The following AGBL1 variants were observed in gnomAD, a reference collection of about 807,000 sequenced individuals.
AGBL1 encodes the protein AGBL carboxypeptidase 1.
In AGBL1, 130 loss-of-function variants were observed where a neutral mutation model predicts 118.9. The observed-to-expected ratio is 1.09, with a 90% CI of 0.95 to 1.26. AGBL1 has a LOEUF of 1.26. AGBL1 is among the 50% of genes most tolerant of loss of function. The pLI is 0.00. For missense variants in AGBL1, 1,584 were observed against 1,298.1 expected, an observed-to-expected ratio of 1.22 and a Z score of -3.38; for synonymous variants, 555 against 478.9, an observed-to-expected ratio of 1.16 and a Z score of -2.08.
intron 24 of AGBL1, among the ~76,000 whole-genome samples, chr15:87,014,216 T>C (rs1298721678): frequency 6.6e-6 from 1 of 152,170 alleles, no homozygotes; most frequent in South Asian, 2.1e-4. Context: ...GATAGTTTCT[T>C]CATCATCACA....
intron 22 of AGBL1, among the ~76,000 whole-genome samples, chr15:86,727,871 G>A (rs1329361051): frequency 6.6e-6 from 1 of 152,170 alleles, no homozygotes; most frequent in Non-Finnish European, 1.5e-5. Context: ...CTTATCCAGT[G>A]AATTTACTCG....
At chr15:86,134,653 G>A (rs564542998) in intron 1 of AGBL1, among the ~76,000 whole-genome samples, 11 of 130,152 alleles carry the variant, frequency 8.5e-5, no homozygotes, top group Non-Finnish European at 1.1e-4. Flanking sequence ...TCACTCTGTC[G>A]CCCAGGCTGG....
chr15:86,677,252 T>C lies in AGBL1; in HGVS notation c.3158+2816T>C, dbSNP rs187130097. Among the ~76,000 whole-genome samples the C allele has an allele frequency of 3.3e-5, 5 of 152,294 alleles. No individual in the cohort carries two copies. The East Asian group carries it at 9.7e-4, about 29-fold the overall frequency. On this transcript the variant is annotated intron_variant, in intron 22 of 22. Transcript: ENST00000614907. ...TTCAAGAGCAGAGGAAGAGCAGAGA[T>C]AGCGGATGTTTGCCTGGTGGCTGAC...
intron 9 of AGBL1, among the ~76,000 whole-genome samples, chr15:86,260,294 T>C (rs1466169923): frequency 6.6e-6 from 1 of 152,212 alleles, no homozygotes; most frequent in Non-Finnish European, 1.5e-5. Flanking sequence ...GCCTTCCCAT[T>C]TGACAATCTT....
chr15:86,546,198 A>G, intron 20 of AGBL1, 65 bp downstream of exon 20: 1 of 1,439,746 alleles, frequency 6.9e-7, no homozygotes, highest in South Asian at 1.6e-5. Flanking sequence ...TACCTTTAAG[A>G]CCATGCCCCA....
chr15:86,236,303 C>T (rs1209598316), intron 6 of AGBL1, among the ~76,000 whole-genome samples: 1 of 151,346 alleles, frequency 6.6e-6, no homozygotes, highest in Non-Finnish European at 1.5e-5. Flanking sequence ...CTAGACATCT[C>T]TTGGCACCCC....
Position 86,908,683 on chromosome 15 carries a change from C to G in AGBL1, c.*1389C>G, listed in dbSNP as rs1019477999. The G allele has an allele frequency of 6.6e-6, 1 of 151,992 alleles. No homozygotes were observed. The allele number at this position is 151,992 out of a possible 1,614,324, so 9.4% of individuals were successfully genotyped here. A position where few individuals can be genotyped will look rare whatever the true frequency, so the allele number is the denominator to read the frequency against. ...AAATGGAGCAAGGCCTTTTAGCATT[C>G]GGAAGGAAGAGGCTTAGTTATTTGA... On this transcript the variant is annotated 3_prime_UTR_variant, in exon 23 of 23. Coordinates refer to ENST00000614907, the MANE Select transcript of AGBL1 (RefSeq NM_001386094.1).
At chr15:86,959,798 AATG>A (rs2080973218) in intron 23 of AGBL1, among the ~76,000 whole-genome samples, 1 of 152,090 alleles carries the variant, frequency 6.6e-6, no homozygotes, top group Non-Finnish European at 1.5e-5. Flanking sequence ...AAGCCAAAAT[AATG>A]ATGCACATTA....
chr15:86,705,793 G>A (rs886574894), intron 22 of AGBL1, among the ~76,000 whole-genome samples: 4 of 152,022 alleles, frequency 2.6e-5, no homozygotes, highest in Non-Finnish European at 4.4e-5. Context: ...AGCACATCAA[G>A]GTGTCTCTAG....
intron 23 of AGBL1, among the ~76,000 whole-genome samples, chr15:86,931,432 C>A (rs949000958): frequency 7.9e-5 from 12 of 152,236 alleles, no homozygotes; most frequent in African/African-American, 2.9e-4. Flanking sequence ...GCTGCAAAAC[C>A]TGGGTAGGAA....
chr15:86,216,317 A>T (rs148932966), intron 5 of AGBL1, among the ~76,000 whole-genome samples: 1 of 152,192 alleles, frequency 6.6e-6, no homozygotes, highest in East Asian at 1.9e-4. Context: ...AGGTAGCAGA[A>T]TATGTATCTT....
At position 86,218,343 on chromosome 15, in the gene AGBL1, G is replaced by A. The variant is rs1041789280; in HGVS notation, c.489-6571G>A. ...ATAGTATTTCCACTCTCTGAAAAGG[G>A]GACGTCTGGGGAGGGTCAAGTCTTG... On this transcript the variant is annotated intron_variant, in intron 5 of 22. Coordinates refer to ENST00000614907, the MANE Select transcript of AGBL1 (RefSeq NM_001386094.1). Among the ~76,000 whole-genome samples the A allele has an allele frequency of 3.3e-5, 5 of 152,154 alleles. No homozygotes were observed. In the East Asian group the frequency reaches 9.7e-4, roughly 29 times the overall value.
chr15:86,819,856 A>G (rs1479084176), intron 22 of AGBL1, among the ~76,000 whole-genome samples: 2 of 152,190 alleles, frequency 1.3e-5, no homozygotes, highest in Non-Finnish European at 1.5e-5. Context: ...CAAAAAGAAC[A>G]AAGCTAGAGG....
intron 1 of AGBL1, among the ~76,000 whole-genome samples, chr15:86,125,839 G>A (rs1166810015): frequency 2.0e-5 from 3 of 152,148 alleles, no homozygotes. Flanking sequence ...AAACAAATTT[G>A]TATTCCTTAA....
intron 17 of AGBL1, among the ~76,000 whole-genome samples, chr15:86,315,102 C>T (rs960609975): frequency 1.5e-4 from 23 of 152,166 alleles, no homozygotes; most frequent in African/African-American, 5.6e-4. Context: ...TCTTTCACTC[C>T]ATCCTCCTTG....
chr15:86,151,058 AAAAC>A (rs1360789332), intron 3 of AGBL1, among the ~76,000 whole-genome samples: 3 of 152,156 alleles, frequency 2.0e-5, no homozygotes, highest in Non-Finnish European at 4.4e-5. Flanking sequence ...CAAGAACAAA[AAAAC>A]AAACACCGCA....
At chr15:86,744,175 C>A (rs916572670) in intron 22 of AGBL1, among the ~76,000 whole-genome samples, 99 of 152,188 alleles carry the variant, frequency 6.5e-4, no homozygotes, top group African/African-American at 2.3e-3. Context: ...GGTTTCCTGC[C>A]ACCTTAGTTA....
At chr15:86,331,428 C>T (rs541885281) in intron 17 of AGBL1, among the ~76,000 whole-genome samples, 2 of 152,112 alleles carry the variant, frequency 1.3e-5, no homozygotes, top group African/African-American at 2.4e-5. Flanking sequence ...GAGAGGTAAG[C>T]CTCCAGATAC....
intron 21 of AGBL1, among the ~76,000 whole-genome samples, chr15:86,603,852 G>T (rs968250304): frequency 2.0e-5 from 3 of 152,096 alleles, no homozygotes; most frequent in Admixed American, 1.3e-4. Context: ...TGTTGTTGTT[G>T]TTTTTGTTTT....
Sources: allele counts gnomAD v4.1 joint callset (sites outside exome capture counted in the v4.1 genomes callset), GRCh38; gene constraint gnomAD v4.1.1; transcripts MANE v1.5; gene names NCBI Gene and HGNC (gene_info 2026-07-23, HGNC 2026-07-21).